Variants in GAPVD1 observed in about 807,000 individuals in gnomAD.
GAPVD1 encodes GTPase-activating protein and VPS9 domain-containing protein 1.
In GAPVD1, 35 loss-of-function variants were observed where a neutral mutation model predicts 155.5. That is an observed-to-expected ratio of 0.23 (90% CI 0.17 to 0.30). The LOEUF (loss-of-function observed/expected upper bound fraction) is 0.30, where lower values mean the gene tolerates loss of function less well. GAPVD1 is among the 10% of genes least tolerant of loss of function. The pLI, the probability that GAPVD1 is intolerant of heterozygous loss-of-function variation, is 1.00. For missense variants in GAPVD1, 1,429 were observed against 1,775.7 expected (o/e 0.80, Z 3.51); for synonymous variants, 636 against 619.7 (o/e 1.03, Z -0.39).
intron 3 of GAPVD1, among the ~76,000 whole-genome samples, chr9:125,298,473 G>A (rs1290689390): frequency 2.2e-5 from 3 of 139,236 alleles, no homozygotes; most frequent in Admixed American, 1.5e-4. Flanking sequence ...GGCATCAAAT[G>A]TAACCTAATT....
rs1032256152 is a variant in GAPVD1 at position 125,350,260 on chromosome 9, T to C, written c.3300-35T>C. 3 of 1,191,724 alleles carry C rather than the reference T, an allele frequency of 2.5e-6. No individual in the cohort carries two copies. The Admixed American group carries it at 6.4e-5, about 26-fold the overall frequency. 73.8% of individuals were successfully genotyped at this position (1,191,724 alleles called of 1,614,324 possible). ...TTTGTAAAATGTGACCATATCTGGATAAAGAAATTAATGTATTTTCTACTC... is the reference window on the plus strand; with the variant it reads ...TTTGTAAAATGTGACCATATCTGGACAAAGAAATTAATGTATTTTCTACTC... On this transcript the variant is annotated intron_variant, in intron 21 of 27. Transcript: ENST00000297933.
In GAPVD1 at chr9:125,325,537, A is replaced by AC. The variant is rs1845019582; in HGVS notation, c.1859-879_1859-878insC. On this transcript the variant is annotated intron_variant, in intron 11 of 27. Transcript: ENST00000297933. Reference sequence around the variant, plus strand: ...TCCATCTCAAAAAAAAAAAAAAAAAAAAGATGATGCCCTCAACTAGGTTTG... The same window carrying AC: ...TCCATCTCAAAAAAAAAAAAAAAAAACAAGATGATGCCCTCAACTAGGTTTG... Among the ~76,000 whole-genome samples, 3 of 151,644 alleles carry AC rather than the reference A, an allele frequency of 2.0e-5. No homozygotes were observed. The South Asian group carries it at 6.2e-4, about 31-fold the overall frequency.
chr9:125,323,461 A>T (rs1844692617), intron 10 of GAPVD1, among the ~76,000 whole-genome samples: 2 of 152,070 alleles, frequency 1.3e-5, no homozygotes, highest in Admixed American at 1.3e-4. Flanking sequence ...GCCCGCCACC[A>T]CGCCTGGCTA....
At chr9:125,337,621 A>T (rs1847231483) in intron 17 of GAPVD1, 30 bp downstream of exon 17, 3 of 1,577,716 alleles carry the variant, frequency 1.9e-6, no homozygotes, top group Non-Finnish European at 2.6e-6. Context: ...AAAAAGAATT[A>T]TGTTCTGCCT....
chr9:125,305,157 TA>T lies in GAPVD1; in HGVS notation c.1116+11del. 1 of 1,577,772 alleles carries T rather than the reference TA, an allele frequency of 6.3e-7. No individual in the cohort carries two copies. Among genetic ancestry groups the T allele is most frequent in the South Asian group, 1.1e-5 (1 of 90,348 alleles). ...CTTGGAAAGTTTGACAAAGTAAGAATAAATATGATTTATAGAAAATTCTGAA... is the reference window on the plus strand; with the variant it reads ...CTTGGAAAGTTTGACAAAGTAAGAATAATATGATTTATAGAAAATTCTGAA... On this transcript the variant is annotated intron_variant, in intron 6 of 27. Transcript: ENST00000297933.
intron 23 of GAPVD1, 106 bp downstream of exon 23, chr9:125,350,978 G>A (rs1053556247): frequency 1.9e-5 from 17 of 891,456 alleles, no homozygotes; most frequent in Non-Finnish European, 2.6e-5. Flanking sequence ...CAAAGTGCTT[G>A]GCTGTATTTT....
chr9:125,349,690 G>A (rs1589098464), intron 21 of GAPVD1, among the ~76,000 whole-genome samples, 171 bp downstream of exon 21: 1 of 152,170 alleles, frequency 6.6e-6, no homozygotes, highest in East Asian at 1.9e-4. Context: ...ATGTATCAAA[G>A]GTGTTAATTC....
rs1325730099 is a variant in GAPVD1 at position 125,357,975 on chromosome 9, T to TA, written c.3972-1433dup. The stretch of plus-strand genomic sequence containing the variant: ...GGACAACAGAGCGAAGCTCTGTCTT[T>TA]AAAAAAAAAAAACACACACACACAC... On this transcript the variant is annotated intron_variant, in intron 25 of 27. Transcript: ENST00000297933. Among the ~76,000 whole-genome samples the TA allele has an allele frequency of 2.6e-3, 374 of 144,388 alleles. 1 individual carries two copies. Among genetic ancestry groups the TA allele is most frequent in the African/African-American group, 6.2e-3 (240 of 38,946 alleles). 94.7% of individuals were successfully genotyped at this position (144,388 alleles called of 152,430 possible).
At position 125,313,264 on chromosome 9, in the gene GAPVD1, A is replaced by G. The variant is rs115720738; in HGVS notation, c.1602+652A>G. On this transcript the variant is annotated intron_variant, in intron 9 of 27. Coordinates refer to ENST00000297933, the MANE Select transcript of GAPVD1 (RefSeq NM_001282680.3). ...ATACAGATTTTGGGGGAGCACAAAC[A>G]TTCAGATCCTAGCAATGAATTTTTT... Among the ~76,000 whole-genome samples the G allele has an allele frequency of 4.5e-3, 680 of 151,006 alleles. 5 individuals are homozygous for G. The highest frequency in any genetic ancestry group is 0.016 in the African/African-American group (640 of 41,138).
intron 12 of GAPVD1, among the ~76,000 whole-genome samples, chr9:125,329,304 G>T (rs1845736123): frequency 6.6e-6 from 1 of 152,158 alleles, no homozygotes; most frequent in Non-Finnish European, 1.5e-5. Context: ...CCTGAATAGT[G>T]ACTAATATGC....
chr9:125,271,782 C>G (rs1177004603), intron 2 of GAPVD1, among the ~76,000 whole-genome samples: 1 of 152,128 alleles, frequency 6.6e-6, no homozygotes, highest in African/African-American at 2.4e-5. Context: ...AACTCCTGAC[C>G]TCAAGTGATC....
chr9:125,360,233 A>G (rs900498306), intron 26 of GAPVD1, among the ~76,000 whole-genome samples: 1 of 152,242 alleles, frequency 6.6e-6, no homozygotes, highest in Non-Finnish European at 1.5e-5. Flanking sequence ...CATTCTAGCT[A>G]TTTAAGAAAG....
rs1373431882 is a variant in GAPVD1 at position 125,328,854 on chromosome 9, C to T, written c.2033-1224C>T. ...GCTGACCCCCCCCCCACCTCCCTCC[C>T]GGACGGGGCGGCTGGCCGGGCAGGG... On this transcript the variant is annotated intron_variant, in intron 12 of 27. Coordinates refer to ENST00000297933, the MANE Select transcript of GAPVD1 (RefSeq NM_001282680.3). 3.3e-5 allele frequency among the ~76,000 whole-genome samples: 5 copies of T among 152,176 alleles called. No homozygotes were observed. The South Asian group carries it at 6.2e-4, about 19-fold the overall frequency.
Position 125,302,556 on chromosome 9 carries a change from C to T in GAPVD1, c.759C>T (p.Ser253=). ...FRQKVQEMVE[S]NEAKLVALVN... ...AAAAAGTTCAAGAAATGGTGGAGTC[C>T]AATGAAGCAAAGCTAGTGGCTTTGG... Residue 253 remains serine (S), a synonymous_variant, in exon 5 of 28, where the codon TCC becomes TCT. Coordinates refer to ENST00000297933, the MANE Select transcript of GAPVD1 (RefSeq NM_001282680.3). 1 of 1,613,564 alleles carries T rather than the reference C, an allele frequency of 6.2e-7. No individual in the cohort carries two copies. Among genetic ancestry groups the T allele is most frequent in the Non-Finnish European group, 8.5e-7 (1 of 1,179,540 alleles).
chr9:125,267,407 C>G (rs974827734), intron 1 of GAPVD1, among the ~76,000 whole-genome samples: 2 of 151,594 alleles, frequency 1.3e-5, no homozygotes, highest in Non-Finnish European at 2.9e-5. Context: ...CTACCACACC[C>G]GGTTAATTAA....
intron 27 of GAPVD1, 94 bp downstream of exon 27, chr9:125,360,819 C>T: frequency 1.1e-6 from 1 of 903,260 alleles, no homozygotes; most frequent in Non-Finnish European, 1.8e-6. Flanking sequence ...TGGCTCTTTT[C>T]CAAGTCACAA....
intron 2 of GAPVD1, among the ~76,000 whole-genome samples, chr9:125,295,094 C>A: frequency 6.6e-6 from 1 of 151,146 alleles, no homozygotes. Context: ...GAGAGTACAC[C>A]TGTCACAGGG....
At chr9:125,323,760 T>C (rs1175271633) in intron 10 of GAPVD1, 38 bp from the exon 11 acceptor site, 1 of 1,610,058 alleles carries the variant, frequency 6.2e-7, no homozygotes, top group Middle Eastern at 1.7e-4. Flanking sequence ...CTCATGACTG[T>C]TTTAAAAAGA....
At chr9:125,307,286 T>A (rs1470371677) in intron 6 of GAPVD1, 127 bp from the exon 7 acceptor site, 9 of 612,948 alleles carry the variant, frequency 1.5e-5, no homozygotes, top group South Asian at 2.9e-5. Context: ...AAAAAAAAAA[T>A]TCAACATCTT....
Sources: allele counts gnomAD v4.1 joint callset (sites outside exome capture counted in the v4.1 genomes callset), GRCh38; gene constraint gnomAD v4.1.1; transcripts MANE v1.5; gene names NCBI Gene and HGNC (gene_info 2026-07-23, HGNC 2026-07-21).